The following TTLL5 variants were observed in gnomAD, a reference collection of about 807,000 sequenced individuals.
The protein encoded by TTLL5 is tubulin tyrosine ligase like 5.
TTLL5 carries 132 observed loss-of-function variants against 168.4 expected under a neutral mutation model. The observed-to-expected ratio is 0.78, with a 90% confidence interval of 0.68 to 0.91. The LOEUF (loss-of-function observed/expected upper bound fraction) is 0.91, where lower values mean the gene tolerates loss of function less well. Among genes scored for constraint, TTLL5 ranks in the 40% least tolerant of loss-of-function variants. TTLL5 has a pLI of 0.00. For synonymous variants in TTLL5, 546 were observed against 558.6 expected, an observed-to-expected ratio of 0.98 and a Z score of 0.32; for missense variants, 1,545 against 1,581.5, an observed-to-expected ratio of 0.98 and a Z score of 0.39.
At chr14:75,751,105 G>A (rs1349588196) in intron 17 of TTLL5, among the ~76,000 whole-genome samples, 1 of 152,104 alleles carries the variant, frequency 6.6e-6, no homozygotes, top group Non-Finnish European at 1.5e-5. Flanking sequence ...GTGCTTTCTG[G>A]TGTGACACAC....
At chr14:75,939,911 T>C (rs2034546442) in intron 31 of TTLL5, among the ~76,000 whole-genome samples, 1 of 152,050 alleles carries the variant, frequency 6.6e-6, no homozygotes, top group African/African-American at 2.4e-5. Flanking sequence ...AAAAATCCAT[T>C]CTAATGCCCC....
At chr14:75,671,718 G>C (rs1883767252) in intron 3 of TTLL5, among the ~76,000 whole-genome samples, 1 of 152,098 alleles carries the variant, frequency 6.6e-6, no homozygotes, top group Non-Finnish European at 1.5e-5. Context: ...ATACACCTGA[G>C]TTCTGTATAT....
chr14:75,749,225 G>T (rs1293106090), intron 17 of TTLL5, among the ~76,000 whole-genome samples: 1 of 151,956 alleles, frequency 6.6e-6, no homozygotes, highest in African/African-American at 2.4e-5. Flanking sequence ...ATGAAAGGGG[G>T]ACCATTTACT....
intron 31 of TTLL5, among the ~76,000 whole-genome samples, chr14:75,924,355 A>AC (rs1040972014): frequency 7.9e-5 from 12 of 151,028 alleles, no homozygotes; most frequent in African/African-American, 2.9e-4. Flanking sequence ...GGGTCATAGG[A>AC]CAATAGTGGA....
intron 28 of TTLL5, among the ~76,000 whole-genome samples, chr14:75,831,833 A>G (rs1895587024): frequency 6.6e-6 from 1 of 152,182 alleles, no homozygotes. Flanking sequence ...GGGCAAATAT[A>G]AAATTGTGGA....
intron 3 of TTLL5, among the ~76,000 whole-genome samples, chr14:75,671,224 G>A (rs1479735877): frequency 6.6e-6 from 1 of 152,064 alleles, no homozygotes; most frequent in Non-Finnish European, 1.5e-5. Flanking sequence ...TAGGTGTATG[G>A]GTTTACTTAT....
intron 28 of TTLL5, among the ~76,000 whole-genome samples, chr14:75,850,328 C>A (rs1381408020): frequency 6.7e-6 from 1 of 150,224 alleles, no homozygotes; most frequent in East Asian, 2.0e-4. Context: ...ATCGCTTGAA[C>A]CTGGGAGGCA....
At chr14:75,762,192 G>T (rs954554638) in intron 18 of TTLL5, among the ~76,000 whole-genome samples, 3 of 152,054 alleles carry the variant, frequency 2.0e-5, no homozygotes, top group Non-Finnish European at 4.4e-5. Context: ...TCAGGAGATT[G>T]AGACCATCCT....
intron 6 of TTLL5, among the ~76,000 whole-genome samples, chr14:75,696,191 T>C (rs971674855): frequency 6.6e-6 from 1 of 152,058 alleles, no homozygotes; most frequent in Non-Finnish European, 1.5e-5. Context: ...TATTAATAAC[T>C]AGCCTGGTCG....
intron 11 of TTLL5, among the ~76,000 whole-genome samples, chr14:75,720,292 T>C (rs1887761049): frequency 6.6e-6 from 1 of 152,194 alleles, no homozygotes; most frequent in African/African-American, 2.4e-5. Flanking sequence ...AAAAAGACTT[T>C]TCATTTCACA....
intron 5 of TTLL5, among the ~76,000 whole-genome samples, chr14:75,686,258 G>A (rs898211948): frequency 6.6e-6 from 1 of 152,150 alleles, no homozygotes; most frequent in African/African-American, 2.4e-5. Context: ...ACACAAGAAT[G>A]TACCCCTGAT....
intron 3 of TTLL5, among the ~76,000 whole-genome samples, chr14:75,671,904 A>G (rs1461170987): frequency 1.3e-5 from 2 of 152,188 alleles, no homozygotes; most frequent in Non-Finnish European, 2.9e-5. Flanking sequence ...TAGAATTTCT[A>G]GTACAATGCT....
chr14:75,782,404 A>AT, intron 24 of TTLL5, 83 bp from the exon 25 acceptor site: 1 of 1,102,030 alleles, frequency 9.1e-7, no homozygotes, highest in Non-Finnish European at 1.3e-6. Flanking sequence ...GTTGTGTTAT[A>AT]TTTTTGGGAA....
chr14:75,722,501 C>T (rs1171752125), intron 12 of TTLL5, among the ~76,000 whole-genome samples: 5 of 152,148 alleles, frequency 3.3e-5, no homozygotes, highest in Admixed American at 3.3e-4. Flanking sequence ...CCTATCACAT[C>T]ATGATGTTTT....
chr14:75,688,625 G>A (rs566984176), intron 5 of TTLL5, among the ~76,000 whole-genome samples: 2 of 152,292 alleles, frequency 1.3e-5, no homozygotes, highest in African/African-American at 4.8e-5. Flanking sequence ...GGAAGTGGGA[G>A]GCAGTCTTGT....
At chr14:75,794,694 A>T (rs1892906322) in intron 27 of TTLL5, among the ~76,000 whole-genome samples, 1 of 152,200 alleles carries the variant, frequency 6.6e-6, no homozygotes. Context: ...TTGCCATTAG[A>T]TGTCAGTGTT....
chr14:75,911,137 C>A lies in TTLL5; in HGVS notation c.3823+8913C>A, dbSNP rs372329300. On this transcript the variant is annotated intron_variant, in intron 31 of 31. Coordinates refer to ENST00000298832, the MANE Select transcript of TTLL5 (RefSeq NM_015072.5). ...CCGCCTCCCAGGTCCAAACAACTCT[C>A]GAGCCTTCGCCTCCCGAGTAGCTGG... Among the ~76,000 whole-genome samples, 60 of 152,300 alleles carry A rather than the reference C, an allele frequency of 3.9e-4. No homozygotes were observed. In the South Asian group the frequency reaches 0.01, roughly 26 times the overall value.
chr14:75,763,191 A>ATCAGAT (rs1890758994), intron 18 of TTLL5, among the ~76,000 whole-genome samples: 2 of 151,904 alleles, frequency 1.3e-5, no homozygotes, highest in South Asian at 4.2e-4. Flanking sequence ...TTATCTTTCT[A>ATCAGAT]TCAGATTTGT....
At chr14:75,823,422 A>C (rs1364418238) in intron 28 of TTLL5, among the ~76,000 whole-genome samples, 1 of 152,032 alleles carries the variant, frequency 6.6e-6, no homozygotes, top group Admixed American at 6.6e-5. Context: ...TGAGACATGG[A>C]AGGGTTACTG....
Sources: allele counts gnomAD v4.1 joint callset (sites outside exome capture counted in the v4.1 genomes callset), GRCh38; gene constraint gnomAD v4.1.1; transcripts MANE v1.5; gene names NCBI Gene and HGNC (gene_info 2026-07-23, HGNC 2026-07-21).